NDUFA10: variants seen among roughly 807,000 people sequenced by gnomAD.
NDUFA10 encodes the protein NADH:ubiquinone oxidoreductase subunit A10.
A neutral mutation model predicts 47.8 loss-of-function variants in NDUFA10; 40 were observed. The ratio of observed to expected loss-of-function variants is 0.84; its 90% CI spans 0.65 to 1.09. The LOEUF (loss-of-function observed/expected upper bound fraction) is 1.09. Ranked by LOEUF, NDUFA10 falls within the 50% of genes least tolerant of loss-of-function variation. The pLI is 0.00. For synonymous variants in NDUFA10, 183 were observed against 172.2 expected (o/e 1.06, Z -0.49); for missense variants, 413 against 451.1 (o/e 0.92, Z 0.76).
downstream of NDUFA10, among the ~76,000 whole-genome samples, chr2:239,955,147 G>A (rs137967910): frequency 3.3e-5 from 5 of 152,224 alleles, no homozygotes; most frequent in South Asian, 2.1e-4. Flanking sequence ...ATAAGTCTTC[G>A]TGTGAAGTAT....
At chr2:239,991,405 G>A (rs2106445620) in intron 8 of NDUFA10, among the ~76,000 whole-genome samples, 1 of 152,260 alleles carries the variant, frequency 6.6e-6, no homozygotes, top group South Asian at 2.1e-4. Flanking sequence ...TTCCACATGG[G>A]TAGGCAAATG....
chr2:239,984,980 C>G (rs986074001), intron 9 of NDUFA10, among the ~76,000 whole-genome samples: 3 of 152,210 alleles, frequency 2.0e-5, no homozygotes, highest in African/African-American at 7.2e-5. Context: ...AAACGGAAGC[C>G]CAGCGTCACC....
Position 239,959,929 on chromosome 2 carries a change from G to T in NDUFA10, c.*1189C>A. 1.0e-6 allele frequency: 1 copy of T among 985,360 alleles called. No individual in the cohort carries two copies. Among genetic ancestry groups the T allele is most frequent in the Non-Finnish European group, 1.2e-6 (1 of 829,902 alleles). 61.0% of individuals were successfully genotyped at this position (985,360 alleles called of 1,614,324 possible). ...GCATGCTCCGCAGCAGCGAGGCCTG[G>T]TAGAGCTTCCGCGGGGAGCAGAGCA... is the stretch of plus-strand genomic sequence containing the variant. On this transcript the variant is annotated 3_prime_UTR_variant, in exon 10 of 10. Coordinates refer to ENST00000252711, the MANE Select transcript of NDUFA10 (RefSeq NM_004544.4).
intron 8 of NDUFA10, 29 bp from the exon 9 acceptor site, chr2:239,990,211 C>T (rs759457438): frequency 8.5e-6 from 13 of 1,522,628 alleles, no homozygotes; most frequent in Admixed American, 3.3e-5. Context: ...GTGGATCACA[C>T]CAAACCATCA....
chr2:239,987,059 A>C lies in NDUFA10; in HGVS notation c.999+3015T>G, dbSNP rs995289866. ...CAGATTCAAAGAGATGTAGCAGAGG[A>C]AACAATTCAATGCAGGCCATCACCC... On this transcript the variant is annotated intron_variant, in intron 9 of 9. Coordinates refer to ENST00000252711, the MANE Select transcript of NDUFA10 (RefSeq NM_004544.4). The surrounding 1 kb of genome is among the most constrained non-coding windows in gnomAD (Gnocchi z 4.8). Among the ~76,000 whole-genome samples, 1 of 152,200 alleles carries C rather than the reference A, an allele frequency of 6.6e-6. No individual in the cohort carries two copies. The highest frequency in any genetic ancestry group is 1.5e-5 in the Non-Finnish European group (1 of 68,034).
intron 4 of NDUFA10, among the ~76,000 whole-genome samples, chr2:239,946,099 A>G (rs901785004): frequency 1.3e-5 from 2 of 152,196 alleles, no homozygotes; most frequent in Non-Finnish European, 2.9e-5. Context: ...ACACCTTGGC[A>G]GCTGTGTGTG....
intron 9 of NDUFA10, among the ~76,000 whole-genome samples, chr2:239,964,765 C>T (rs1694993582): frequency 6.6e-6 from 1 of 152,314 alleles, no homozygotes; most frequent in African/African-American, 2.4e-5. Flanking sequence ...GAAACGGTAA[C>T]GCTGTAGTTG....
At chr2:239,957,070 G>C (rs976639255), downstream of NDUFA10, among the ~76,000 whole-genome samples, 2 of 152,076 alleles carry the variant, frequency 1.3e-5, no homozygotes, top group African/African-American at 2.4e-5. Flanking sequence ...TGCAGCTCAG[G>C]CCAGACCCTC....
At chr2:239,925,077 A>C (rs1039431712) in intron 4 of NDUFA10, among the ~76,000 whole-genome samples, 2 of 152,158 alleles carry the variant, frequency 1.3e-5, no homozygotes, top group African/African-American at 4.8e-5. Flanking sequence ...GATGGAGAGA[A>C]ATACCACATT....
chr2:239,914,683 TAC>T (rs147210711), intron 4 of NDUFA10, among the ~76,000 whole-genome samples: 2 of 20,474 alleles, frequency 9.8e-5, no homozygotes, highest in Non-Finnish European at 1.7e-4. Context: ...GACACAGAGA[TAC>T]ACACACACAC....
chr2:239,935,187 G>T lies in NDUFA10; in HGVS notation c.295-39873C>A, dbSNP rs535422813. On this transcript the variant is annotated intron_variant, in intron 4 of 5. Coordinates refer to the NDUFA10 transcript ENST00000419408. ...CTCCCTCTGTGGCCAGCCCTGCCCT[G>T]CAGGACCTGGGCAAGTATTGGAAGG... Among the ~76,000 whole-genome samples the T allele has an allele frequency of 2.6e-5, 4 of 152,328 alleles. No homozygotes were observed. The South Asian group carries it at 8.3e-4, about 32-fold the overall frequency.
At position 239,989,461 on chromosome 2, in the gene NDUFA10, C is replaced by T. The variant is rs567820376; in HGVS notation, c.999+613G>A. 2.6e-5 allele frequency among the ~76,000 whole-genome samples: 4 copies of T among 152,390 alleles called. No individual in the cohort carries two copies. The South Asian group carries it at 6.2e-4, about 24-fold the overall frequency. On this transcript the variant is annotated intron_variant, in intron 9 of 9. Coordinates refer to ENST00000252711, the MANE Select transcript of NDUFA10 (RefSeq NM_004544.4). ...AGCCACCACTGCCGCGGATATGGAT[C>T]GTGCTCTTCCCAGTCCACTGACATT... is the stretch of plus-strand genomic sequence containing the variant.
Position 240,024,076 on chromosome 2 carries a change from G to A in NDUFA10, c.75+1151C>T, listed in dbSNP as rs1381189353. ...AGTCACTCTGGAAGATGGCTTGGCA[G>A]CTTCTTAGAAAACTAGTCTTACTAC... On this transcript the variant is annotated intron_variant, in intron 1 of 9. Transcript: ENST00000252711. Among the ~76,000 whole-genome samples, 6 of 152,358 alleles carry A rather than the reference G, an allele frequency of 3.9e-5. No individual in the cohort carries two copies. In the South Asian group the frequency reaches 1.2e-3, roughly 32 times the overall value.
intron 4 of NDUFA10, 27 bp downstream of exon 4, chr2:240,018,526 A>C (rs527393169): frequency 1.2e-6 from 2 of 1,614,264 alleles, no homozygotes; most frequent in Non-Finnish European, 1.7e-6. Context: ...CCACACACCC[A>C]GAAGTGGGTC....
rs1025550369 is a variant in NDUFA10 at position 240,018,848 on chromosome 2, G to A, written c.461-209C>T. Reference sequence around the variant, plus strand: ...TTTCAGTTTTGAGCAATATAACATCGTTTCATTAAGTCAGCTATAACAGAA... The same window carrying A: ...TTTCAGTTTTGAGCAATATAACATCATTTCATTAAGTCAGCTATAACAGAA... On this transcript the variant is annotated intron_variant, in intron 3 of 9. Transcript: ENST00000252711. 5.9e-5 allele frequency among the ~76,000 whole-genome samples: 9 copies of A among 152,100 alleles called. No individual in the cohort carries two copies. In the South Asian group the frequency reaches 1.0e-3, roughly 17 times the overall value.
intron 4 of NDUFA10, among the ~76,000 whole-genome samples, chr2:239,932,613 T>G (rs1190176995): frequency 3.9e-5 from 6 of 152,100 alleles, no homozygotes; most frequent in Middle Eastern, 3.4e-3. Flanking sequence ...GGAGTCTCGC[T>G]CTGTCGCCCA....
At chr2:239,981,581 C>T (rs918332298) in intron 9 of NDUFA10, among the ~76,000 whole-genome samples, 3 of 152,072 alleles carry the variant, frequency 2.0e-5, no homozygotes, top group African/African-American at 4.8e-5. Flanking sequence ...GGAAGAAAAA[C>T]GAAGACTATA....
chr2:239,952,044 G>A (rs1049512495), intron 4 of NDUFA10, among the ~76,000 whole-genome samples: 1 of 152,216 alleles, frequency 6.6e-6, no homozygotes, highest in African/African-American at 2.4e-5. Flanking sequence ...GCTGCTGCCT[G>A]AAGTCCCACA....
intron 9 of NDUFA10, chr2:239,983,805 ATG>A (rs1467434160): frequency 4.7e-6 from 7 of 1,502,982 alleles, no homozygotes; most frequent in Non-Finnish European, 6.3e-6. Flanking sequence ...GTCTGAGAAA[ATG>A]TTACAACCAA....
Sources: allele counts gnomAD v4.1 joint callset (sites outside exome capture counted in the v4.1 genomes callset), GRCh38; gene constraint gnomAD v4.1.1; non-coding constraint Gnocchi (gnomAD v3.1); transcripts MANE v1.5; gene names NCBI Gene and HGNC (gene_info 2026-07-23, HGNC 2026-07-21).